The following NAV3 variants were observed in gnomAD, a reference collection of about 807,000 sequenced individuals.
NAV3 encodes the protein neuron navigator 3.
Under a neutral mutation model 244.7 loss-of-function variants are expected in NAV3, and 87 were observed. That is an observed-to-expected ratio of 0.36 (90% CI 0.30 to 0.42). NAV3 has a LOEUF of 0.42. Ranked by LOEUF, NAV3 falls within the 20% of genes least tolerant of loss-of-function variation. The pLI, the probability that NAV3 is intolerant of heterozygous loss-of-function variation, is 1.00. For synonymous variants in NAV3, 1,126 were observed against 1,042.2 expected (o/e 1.08, Z -1.55); for missense variants, 2,663 against 2,893.3 (o/e 0.92, Z 1.83).
At chr12:77,624,600 G>C (rs909073961) in intron 2 of NAV3, among the ~76,000 whole-genome samples, 48 of 152,232 alleles carry the variant, frequency 3.2e-4, no homozygotes, top group African/African-American at 1.1e-3. Context: ...CAGAAGGTAT[G>C]AAGTGGCTGT....
intron 1 of NAV3, among the ~76,000 whole-genome samples, chr12:77,879,182 A>T (rs1592872761): frequency 6.6e-6 from 1 of 152,148 alleles, no homozygotes; most frequent in Non-Finnish European, 1.5e-5. Flanking sequence ...CTACCCTGCA[A>T]ATTTCCCAGG....
chr12:77,611,109 A>T (rs1212213565), intron 2 of NAV3, among the ~76,000 whole-genome samples: 1 of 151,906 alleles, frequency 6.6e-6, no homozygotes, highest in African/African-American at 2.4e-5. Flanking sequence ...TGAAATGCCA[A>T]TGTAAAAAAA....
At chr12:77,682,302 A>T (rs1032415217) in intron 2 of NAV3, among the ~76,000 whole-genome samples, 3 of 152,176 alleles carry the variant, frequency 2.0e-5, no homozygotes, top group Admixed American at 2.0e-4. Context: ...TATCCTCCAG[A>T]TTCACCTACT....
intron 2 of NAV3, among the ~76,000 whole-genome samples, chr12:77,611,418 A>T (rs117150382): frequency 0.037 from 5,618 of 152,060 alleles, 153 homozygotes; most frequent in Middle Eastern, 0.071. Flanking sequence ...CGAAATATTG[A>T]TACATTAAAT....
chr12:77,671,625 C>G (rs988650435), intron 2 of NAV3, among the ~76,000 whole-genome samples: 56 of 152,086 alleles, frequency 3.7e-4, no homozygotes, highest in African/African-American at 1.3e-3. Context: ...TTACAGCCAA[C>G]TGATCTTTGA....
At chr12:77,700,175 CT>C (rs1258671897) in intron 2 of NAV3, among the ~76,000 whole-genome samples, 2 of 152,104 alleles carry the variant, frequency 1.3e-5, no homozygotes, top group African/African-American at 2.4e-5. Context: ...ACTCAGTCAT[CT>C]TTGAAGAAAG....
At chr12:77,771,478 A>G (rs1005284592) in intron 2 of NAV3, among the ~76,000 whole-genome samples, 13 of 152,320 alleles carry the variant, frequency 8.5e-5, no homozygotes, top group Middle Eastern at 6.8e-3. Flanking sequence ...TGTTTATTGC[A>G]GCACTATTCA....
chr12:78,129,094 T>C (rs1302577968), intron 18 of NAV3, among the ~76,000 whole-genome samples: 1 of 152,202 alleles, frequency 6.6e-6, no homozygotes, highest in Non-Finnish European at 1.5e-5. Flanking sequence ...ATACTGTGGT[T>C]GTTTTCTAGT....
In NAV3 at chr12:78,207,347, T is replaced by C. The variant is rs528961452; in HGVS notation, c.7038+2209T>C. On this transcript the variant is annotated intron_variant, in intron 39 of 39. Transcript: ENST00000397909. ...TAAAAATACAATGTGTATTCACCAT[T>C]AACAACAAAGAGAATGTTAATAAGT... 7.9e-5 allele frequency among the ~76,000 whole-genome samples: 12 copies of C among 152,280 alleles called. No individual in the cohort carries two copies. In the South Asian group the frequency reaches 2.5e-3, roughly 32 times the overall value.
intron 12 of NAV3, among the ~76,000 whole-genome samples, chr12:78,087,990 C>T (rs1032632080): frequency 6.6e-6 from 1 of 151,324 alleles, no homozygotes; most frequent in African/African-American, 2.4e-5. Context: ...CTCTTCCAAG[C>T]ATAATTAATG....
chr12:77,827,123 C>T (rs905807300), upstream of NAV3, among the ~76,000 whole-genome samples: 1 of 150,690 alleles, frequency 6.6e-6, no homozygotes, highest in African/African-American at 2.4e-5. Flanking sequence ...ATCCCAGCTG[C>T]TTGGGAGGCT....
At chr12:78,006,258 T>TAA (rs142229637) in intron 7 of NAV3, among the ~76,000 whole-genome samples, 161 bp from the exon 8 acceptor site, 4 of 151,394 alleles carry the variant, frequency 2.6e-5, no homozygotes, top group South Asian at 2.1e-4. Context: ...TGAAATATGG[T>TAA]AAAAAAAAAT....
At chr12:77,682,149 G>A (rs1003819408) in intron 2 of NAV3, among the ~76,000 whole-genome samples, 3 of 150,984 alleles carry the variant, frequency 2.0e-5, no homozygotes, top group Admixed American at 6.6e-5. Flanking sequence ...CCCCCACCTC[G>A]CCCCTGGCCA....
In NAV3 at chr12:78,181,036, G is replaced by A. The variant is rs1156239692; in HGVS notation, c.5683G>A (p.Val1895Ile). Residue 1895 changes from valine to isoleucine, a missense_variant, in exon 30 of 40, where the codon GTT (valine) becomes ATT (isoleucine). Around this residue, in one of 6 missense-constraint regions of NAV3, gnomAD observed 543 missense variants for 672.4 expected, o/e 0.81. Coordinates refer to ENST00000397909, the MANE Select transcript of NAV3 (RefSeq NM_001024383.2). The part of the protein sequence containing the change: ...SLNNLNITEA[V>I]SSDILLDDAG... ...AAACAATTTGAACATCACAGAGGCT[G>A]TTAGCTCAGGTGATTTAGTGCACAT... 2 of 1,612,746 alleles carry A rather than the reference G, an allele frequency of 1.2e-6. No homozygotes were observed. Among genetic ancestry groups the A allele is most frequent in the Non-Finnish European group, 1.7e-6 (2 of 1,179,120 alleles).
At chr12:78,086,281 T>C (rs1216727560) in intron 12 of NAV3, among the ~76,000 whole-genome samples, 3 of 152,212 alleles carry the variant, frequency 2.0e-5, no homozygotes, top group East Asian at 3.9e-4. Flanking sequence ...AGGAGTCTCT[T>C]CTTCAAGTAT....
chr12:77,635,245 A>G (rs1191022541), intron 2 of NAV3, among the ~76,000 whole-genome samples: 1 of 151,834 alleles, frequency 6.6e-6, no homozygotes, highest in East Asian at 1.9e-4. Context: ...AAAAAGAGAG[A>G]AATGTGGTCT....
chr12:77,994,251 C>G (rs1871950366), intron 5 of NAV3, among the ~76,000 whole-genome samples: 1 of 152,180 alleles, frequency 6.6e-6, no homozygotes, highest in African/African-American at 2.4e-5. Context: ...TATTGACTTC[C>G]TTGAAAACAA....
chr12:78,159,966 C>T (rs1234425455), intron 23 of NAV3, among the ~76,000 whole-genome samples: 1 of 152,084 alleles, frequency 6.6e-6, no homozygotes, highest in African/African-American at 2.4e-5. Context: ...CTAAATCCAG[C>T]TATAGGGCAT....
chr12:77,783,307 T>C (rs1870756843), intron 2 of NAV3: 3 of 152,106 alleles, frequency 2.0e-5, no homozygotes, highest in Non-Finnish European at 4.4e-5. Flanking sequence ...AGACCATGAC[T>C]GTGAAAGATG....
Sources: gnomAD v4.1 joint callset for allele counts (sites outside exome capture counted in the v4.1 genomes callset) on GRCh38, gnomAD v4.1.1 for gene constraint, gnomAD v4.1.1 regional missense constraint, MANE v1.5 for transcripts, NCBI Gene and HGNC (gene_info 2026-07-23, HGNC 2026-07-21) for gene names.